The following NOL4 variants were observed in gnomAD, a reference collection of about 807,000 sequenced individuals.
NOL4 encodes the protein nucleolar protein 4, also known as cancer/testis antigen 125.
NOL4 carries 17 observed loss-of-function variants against 75.9 expected under a neutral mutation model. The observed-to-expected ratio is 0.22, with a 90% CI of 0.15 to 0.34. The LOEUF is 0.34. Ranked by LOEUF, NOL4 falls within the 10% of genes least tolerant of loss-of-function variation. The probability of loss-of-function intolerance (pLI) is 1.00; values close to 1 mark genes in which losing one functional copy is unlikely to be tolerated. For missense variants in NOL4, 614 were observed against 793.5 expected, an observed-to-expected ratio of 0.77 and a Z score of 2.72; for synonymous variants, 292 against 289.9, an observed-to-expected ratio of 1.01 and a Z score of -0.07.
rs941319634 is a variant in NOL4, at chr18:34,182,988, T to C, written c.264+40002A>G. On this transcript the variant is annotated intron_variant, in intron 1 of 10. Coordinates refer to ENST00000261592, the MANE Select transcript of NOL4 (RefSeq NM_003787.5). ...ACATAGAATAATATCTGTTTACCCATGGTTTAAGCAAAGCATCCTTCAGTG... is the reference window on the plus strand; with the variant it reads ...ACATAGAATAATATCTGTTTACCCACGGTTTAAGCAAAGCATCCTTCAGTG... Among the ~76,000 whole-genome samples the C allele has an allele frequency of 2.0e-5, 3 of 151,898 alleles. No homozygotes were observed. In the South Asian group the frequency reaches 6.2e-4, roughly 31 times the overall value.
chr18:34,055,099 T>C (rs1489568775), intron 5 of NOL4, among the ~76,000 whole-genome samples: 1 of 151,572 alleles, frequency 6.6e-6, no homozygotes, highest in Non-Finnish European at 1.5e-5. Context: ...TTATGTATTT[T>C]ATATCCATTA....
intron 5 of NOL4, among the ~76,000 whole-genome samples, chr18:34,069,473 G>A (rs567786918): frequency 2.2e-4 from 34 of 151,942 alleles, no homozygotes; most frequent in African/African-American, 7.5e-4. Flanking sequence ...AAAATAAGAC[G>A]GATAATTTCT....
chr18:34,008,293 G>A (rs1856544548), intron 6 of NOL4, among the ~76,000 whole-genome samples: 1 of 151,882 alleles, frequency 6.6e-6, no homozygotes, highest in South Asian at 2.1e-4. Flanking sequence ...CCAGCTGGCT[G>A]ACAGCAGATC....
At chr18:34,080,489 C>T (rs2077957491) in intron 5 of NOL4, among the ~76,000 whole-genome samples, 1 of 152,040 alleles carries the variant, frequency 6.6e-6, no homozygotes, top group Admixed American at 6.6e-5. Flanking sequence ...GCATATATTA[C>T]CCCTAATTGA....
Position 34,162,398 on chromosome 18 carries a change from A to G in NOL4, c.265-32378T>C, listed in dbSNP as rs578037493. ...CAAATAGACGCAATAAAAAATGATA[A>G]AGGGGATATCACTACCAATCCCACA... On this transcript the variant is annotated intron_variant, in intron 1 of 10. Transcript: ENST00000261592. 1.4e-4 allele frequency among the ~76,000 whole-genome samples: 21 copies of G among 152,340 alleles called. 1 individual carries two copies. In the South Asian group the frequency reaches 2.9e-3, roughly 21 times the overall value.
At chr18:34,207,612 C>A (rs1004109478) in intron 1 of NOL4, among the ~76,000 whole-genome samples, 15 of 152,170 alleles carry the variant, frequency 9.9e-5, no homozygotes, top group Non-Finnish European at 1.9e-4. Context: ...TTTAGGGGAT[C>A]TTCTCTTTGG....
intron 1 of NOL4, among the ~76,000 whole-genome samples, chr18:34,204,841 G>A (rs971422764): frequency 6.6e-6 from 1 of 152,122 alleles, no homozygotes; most frequent in Admixed American, 6.6e-5. Context: ...AAATTTAGTT[G>A]TCAGAAACTG....
rs551753703 is a variant in NOL4, at chr18:34,105,545, C to A, written c.415-385G>T. Among the ~76,000 whole-genome samples, 35 of 152,040 alleles carry A rather than the reference C, an allele frequency of 2.3e-4. No homozygotes were observed. In the South Asian group the frequency reaches 6.6e-3, roughly 29 times the overall value. On this transcript the variant is annotated intron_variant, in intron 2 of 10. Coordinates refer to ENST00000261592, the MANE Select transcript of NOL4 (RefSeq NM_003787.5). ...AAATTTGTATCCAATTTTAAATACT[C>A]TTTTTTGTAATTTAGCCCCAAGTAG...
intron 5 of NOL4, among the ~76,000 whole-genome samples, chr18:34,067,298 C>T (rs1421570204): frequency 6.4e-4 from 98 of 152,098 alleles, no homozygotes; most frequent in Non-Finnish European, 4.4e-5. Flanking sequence ...CAGTGTATTC[C>T]TGGCATGTTT....
intron 1 of NOL4, among the ~76,000 whole-genome samples, chr18:34,166,757 G>GTATTATAAGTAA (rs2032396883): frequency 0.012 from 536 of 44,084 alleles, 51 homozygotes; most frequent in Middle Eastern, 0.017. Context: ...TAAAAAAAAG[G>GTATTATAAGTAA]CCGGGCGCGG....
intron 5 of NOL4, among the ~76,000 whole-genome samples, chr18:34,081,303 A>C (rs912033750): frequency 3.3e-5 from 5 of 152,292 alleles, no homozygotes; most frequent in African/African-American, 1.2e-4. Context: ...AAGTTTGCTC[A>C]CATTTGTGTA....
intron 5 of NOL4, among the ~76,000 whole-genome samples, chr18:34,042,438 A>G (rs56801574): frequency 6.6e-6 from 1 of 152,228 alleles, no homozygotes; most frequent in African/African-American, 2.4e-5. Flanking sequence ...CAGTGGATTC[A>G]CATGAATGAT....
intron 5 of NOL4, among the ~76,000 whole-genome samples, chr18:34,051,056 A>C (rs2076605200): frequency 6.6e-6 from 1 of 152,052 alleles, no homozygotes; most frequent in Admixed American, 6.6e-5. Context: ...TATCTTTATG[A>C]GAATTCAAGG....
chr18:33,889,750 C>T (rs559872355), intron 9 of NOL4, among the ~76,000 whole-genome samples: 4 of 152,156 alleles, frequency 2.6e-5, no homozygotes, highest in East Asian at 3.9e-4. Flanking sequence ...AATCAATAAA[C>T]GTAATACATC....
intron 3 of NOL4, 116 bp from the exon 4 acceptor site, chr18:34,104,275 C>T: frequency 7.6e-6 from 5 of 660,896 alleles, no homozygotes; most frequent in Non-Finnish European, 1.3e-5. Flanking sequence ...TGTCTTAAAG[C>T]ATGGTAGCAT....
chr18:33,946,509 C>T (rs192440307), intron 8 of NOL4, among the ~76,000 whole-genome samples: 247 of 151,790 alleles, frequency 1.6e-3, no homozygotes, highest in African/African-American at 5.6e-3. Flanking sequence ...AAATTCAAGT[C>T]TGATGATGAA....
intron 5 of NOL4, among the ~76,000 whole-genome samples, chr18:34,021,482 CAAG>C (rs1465360154): frequency 1.3e-5 from 2 of 152,048 alleles, no homozygotes; most frequent in East Asian, 1.9e-4. Context: ...AAGAGAATAC[CAAG>C]AAAAGCATTT....
At chr18:33,973,371 T>C (rs1343321410) in intron 6 of NOL4, among the ~76,000 whole-genome samples, 1 of 152,196 alleles carries the variant, frequency 6.6e-6, no homozygotes, top group African/African-American at 2.4e-5. Flanking sequence ...CTTCCTCTAC[T>C]GAAGGCTTGA....
intron 1 of NOL4, chr18:34,183,447 A>G (rs1376889785): frequency 6.6e-6 from 1 of 151,910 alleles, no homozygotes; most frequent in Non-Finnish European, 1.5e-5. Flanking sequence ...GTGAATGTAA[A>G]CTGGGTACCG....
Sources: allele counts gnomAD v4.1 joint callset (sites outside exome capture counted in the v4.1 genomes callset), GRCh38; gene constraint gnomAD v4.1.1; transcripts MANE v1.5; gene names NCBI Gene and HGNC (gene_info 2026-07-23, HGNC 2026-07-21).